The following IGBP1 variants were observed in gnomAD, a reference collection of about 807,000 sequenced individuals.
IGBP1 encodes the protein immunoglobulin-binding protein 1.
Under a neutral mutation model 25.9 loss-of-function variants are expected in IGBP1, and 2 were observed. That is an observed-to-expected ratio of 0.08 (90% CI 0.03 to 0.24). The LOEUF (loss-of-function observed/expected upper bound fraction) is 0.24, where lower values mean the gene tolerates loss of function less well. Ranked by LOEUF, IGBP1 falls within the 10% of genes least tolerant of loss-of-function variation. The probability of loss-of-function intolerance (pLI) is 1.00; values close to 1 mark genes in which losing one functional copy is unlikely to be tolerated. For synonymous variants in IGBP1, 96 were observed against 93.4 expected, an observed-to-expected ratio of 1.03 and a Z score of -0.16; for missense variants, 187 against 260.4, an observed-to-expected ratio of 0.72 and a Z score of 1.94.
rs770539359 is a variant in IGBP1 at position 70,150,294 on chromosome X, G to A, written c.843G>A (p.Pro281=). ...AACATCGGAAATATGGAGCATTACC[G>A]GATCAGGGAATAGCCAAGGCAGCAC... The part of the protein sequence containing the change: ...YEQHRKYGAL[P]DQGIAKAAPE... The change falls in exon 6 of 7, where the codon CCG becomes CCA. Residue 281 remains proline, a synonymous_variant. Transcript: ENST00000356413. The A allele has an allele frequency of 2.8e-5, 33 of 1,192,610 alleles. No individual in the cohort carries two copies. Among genetic ancestry groups the A allele is most frequent in the Middle Eastern group, 2.3e-4 (1 of 4,318 alleles).
At chrX:70,153,385 G>T (rs773974112) in intron 6 of IGBP1, among the ~76,000 whole-genome samples, 12 of 112,079 alleles carry the variant, frequency 1.1e-4, no homozygotes, top group African/African-American at 1.3e-4. Flanking sequence ...AGCAGAAATG[G>T]TAATTATGTG....
rs61472377 is a variant in IGBP1 at position 70,150,422 on chromosome X, TG to T, written c.871+104del. ...AGTTGCCCTTTAGGAACAGAAATAG[TG>T]GGGACAAAGATTCTGAGTAATAGAA... On this transcript the variant is annotated intron_variant, in intron 6 of 6. Coordinates refer to ENST00000356413, the MANE Select transcript of IGBP1 (RefSeq NM_001551.3). The T allele has an allele frequency of 4.0e-3, 2,193 of 544,245 alleles. 36 individuals carry two copies. In the African/African-American group the frequency reaches 0.043, roughly 11 times the overall value. The allele number at this position is 544,245 out of a possible 1,213,427, so 44.9% of individuals were successfully genotyped here. A position where few individuals can be genotyped will look rare whatever the true frequency, so the allele number is the denominator to read the frequency against.
intron 3 of IGBP1, among the ~76,000 whole-genome samples, chrX:70,135,781 G>A (rs1475055021): frequency 1.8e-5 from 2 of 111,579 alleles, no homozygotes; most frequent in African/African-American, 6.5e-5. Flanking sequence ...GAATGATACT[G>A]AAGAATGTTG....
Position 70,134,128 on chromosome X carries a change from T to G in IGBP1, c.181T>G (p.Leu61Val). 1 of 1,208,684 alleles carries G rather than the reference T, an allele frequency of 8.3e-7. No individual in the cohort carries two copies. The highest frequency in any genetic ancestry group is 1.1e-6 in the Non-Finnish European group (1 of 892,408). The change falls in exon 2 of 7, where the codon TTG (leucine) becomes GTG (valine). Residue 61 changes from leucine (L) to valine (V), a missense_variant. Physicochemically the swap from Leu to Val is conservative, Grantham distance 32. Coordinates refer to ENST00000356413, the MANE Select transcript of IGBP1 (RefSeq NM_001551.3). ...KAAEMLSQLDLFSRNEDLEEI... is the reference protein window; with the variant it reads ...KAAEMLSQLDVFSRNEDLEEI... ...TGCCGAAATGTTATCGCAGCTCGAC[T>G]TGTTCAGGTATGGGGGAAGATAGTA...
At position 70,149,146 on chromosome X, in the gene IGBP1, T is replaced by C. The variant is rs776799521; in HGVS notation, c.758+306T>C. On this transcript the variant is annotated intron_variant, in intron 5 of 6. Transcript: ENST00000356413. ...GGGAGGCTGAGGCAGGAGAATCACTTGAACCTGGGAGGGGGAGGTTGTGGT... is the reference window on the plus strand; with the variant it reads ...GGGAGGCTGAGGCAGGAGAATCACTCGAACCTGGGAGGGGGAGGTTGTGGT... 2.2e-3 allele frequency among the ~76,000 whole-genome samples: 240 copies of C among 110,197 alleles called. 1 individual carries two copies. The highest frequency in any genetic ancestry group is 3.6e-3 in the Non-Finnish European group (188 of 52,668).
At chrX:70,137,151 G>A (rs2085100067) in intron 3 of IGBP1, among the ~76,000 whole-genome samples, 1 of 111,640 alleles carries the variant, frequency 9.0e-6, no homozygotes, top group Admixed American at 9.5e-5. Context: ...TAGAGGGATG[G>A]GGGAGTACAT....
intron 6 of IGBP1, among the ~76,000 whole-genome samples, chrX:70,162,481 T>G (rs186378107): frequency 9.0e-6 from 1 of 111,571 alleles, no homozygotes; most frequent in Non-Finnish European, 1.9e-5. Context: ...CCTAAGGACA[T>G]TTGAGTAATG....
intron 2 of IGBP1, 63 bp downstream of exon 2, chrX:70,134,198 C>T (rs1162208881): frequency 4.7e-6 from 5 of 1,060,795 alleles, no homozygotes; most frequent in Non-Finnish European, 5.2e-6. Flanking sequence ...AAGGGTGGAG[C>T]CATTGCGCCT....
chrX:70,160,499 T>C (rs751553901), intron 6 of IGBP1, among the ~76,000 whole-genome samples: 1 of 112,142 alleles, frequency 8.9e-6, no homozygotes, highest in East Asian at 2.8e-4. Context: ...CCAAGGAACA[T>C]TATACCTGGT....
At position 70,134,131 on chromosome X, in the gene IGBP1, T is replaced by C; in HGVS notation, c.184T>C (p.Phe62Leu). The stretch of plus-strand genomic sequence containing the variant: ...CGAAATGTTATCGCAGCTCGACTTG[T>C]TCAGGTATGGGGGAAGATAGTAATA... ...AAEMLSQLDL[F>L]SRNEDLEEIA... Residue 62 changes from phenylalanine to leucine, a missense_variant, in exon 2 of 7, where the codon TTC becomes CTC. Coordinates refer to ENST00000356413, the MANE Select transcript of IGBP1 (RefSeq NM_001551.3). 8.3e-7 allele frequency: 1 copy of C among 1,207,614 alleles called. No homozygotes were observed. Among genetic ancestry groups the C allele is most frequent in the South Asian group, 1.8e-5 (1 of 56,924 alleles).
chrX:70,148,731 T>C lies in IGBP1; in HGVS notation c.679-30T>C, dbSNP rs752788550. 4.7e-6 allele frequency: 5 copies of C among 1,072,605 alleles called. No individual in the cohort carries two copies. The East Asian group carries it at 1.5e-4, about 32-fold the overall frequency. 88.4% of individuals were successfully genotyped at this position (1,072,605 alleles called of 1,213,427 possible). On this transcript the variant is annotated intron_variant, in intron 4 of 6. Transcript: ENST00000356413. Reference sequence around the variant, plus strand: ...ATGGTATGTTGGGTAAAATGGCAAATTCACCTCTCATAATTAATTTCCTTC... The same window carrying C: ...ATGGTATGTTGGGTAAAATGGCAAACTCACCTCTCATAATTAATTTCCTTC...
At chrX:70,147,775 G>A (rs1280067045) in intron 4 of IGBP1, among the ~76,000 whole-genome samples, 1 of 111,781 alleles carries the variant, frequency 8.9e-6, no homozygotes, top group Non-Finnish European at 1.9e-5. Context: ...CTTGTTCTTT[G>A]GTTCAGGACA....
chrX:70,161,812 T>C (rs1195857598), intron 6 of IGBP1, among the ~76,000 whole-genome samples: 1 of 111,280 alleles, frequency 9.0e-6, no homozygotes, highest in Non-Finnish European at 1.9e-5. Flanking sequence ...AAACAAGAGC[T>C]CAAAAAACTG....
At chrX:70,162,976 CAAAAAT>C (rs2085278722) in intron 6 of IGBP1, among the ~76,000 whole-genome samples, 1 of 110,404 alleles carries the variant, frequency 9.1e-6, no homozygotes, top group African/African-American at 3.3e-5. Context: ...TCCTTTGTCT[CAAAAAT>C]AATAATAATA....
At chrX:70,136,862 A>C (rs2085098398) in intron 3 of IGBP1, among the ~76,000 whole-genome samples, 1 of 109,633 alleles carries the variant, frequency 9.1e-6, no homozygotes, top group African/African-American at 3.3e-5. Flanking sequence ...ACCTGCCACC[A>C]CGCCCGGCTA....
At chrX:70,149,174 G>A (rs1306825615) in intron 5 of IGBP1, among the ~76,000 whole-genome samples, 1 of 108,968 alleles carries the variant, frequency 9.2e-6, no homozygotes, top group African/African-American at 3.4e-5. Context: ...GTTGTGGTGA[G>A]CCGAGATCGC....
intron 3 of IGBP1, among the ~76,000 whole-genome samples, chrX:70,141,541 C>G (rs1230403814): frequency 9.0e-6 from 1 of 111,400 alleles, no homozygotes; most frequent in Admixed American, 9.5e-5. Context: ...GGTCAGAGAC[C>G]TTGACTGATT....
chrX:70,139,893 G>A (rs776988961), intron 3 of IGBP1, among the ~76,000 whole-genome samples: 4 of 111,336 alleles, frequency 3.6e-5, no homozygotes, highest in African/African-American at 1.3e-4. Context: ...TTCTCCCCTC[G>A]TTCACTAGAC....
chrX:70,133,657 G>A (rs1370152268), intron 1 of IGBP1, 66 bp from the exon 2 acceptor site: 1 of 425,839 alleles, frequency 2.3e-6, no homozygotes, highest in African/African-American at 2.5e-5. Flanking sequence ...TCAGCCCCGT[G>A]TCGGCGACGA....
Sources: allele counts gnomAD v4.1 joint callset (sites outside exome capture counted in the v4.1 genomes callset), GRCh38; gene constraint gnomAD v4.1.1; transcripts MANE v1.5; gene names NCBI Gene and HGNC (gene_info 2026-07-23, HGNC 2026-07-21).